CHCT1: variants seen among roughly 807,000 people sequenced by gnomAD.
CHCT1 encodes the protein CHD1 helical C-terminal domain containing protein 1.
chr17:60,425,846 C>A, the CHCT1 span: 1 of 1,551,740 alleles, frequency 6.4e-7, no homozygotes, highest in Non-Finnish European at 8.7e-7. Flanking sequence ...CTCGCTCATG[C>A]GCCATGCCAA....
the CHCT1 span, chr17:60,429,362 G>A: frequency 8.1e-6 from 13 of 1,612,782 alleles, no homozygotes; most frequent in East Asian, 2.9e-4. Context: ...TCCATGGCAG[G>A]TGACATTCTG....
At chr17:60,426,668 G>T in the CHCT1 span, 2 of 1,572,894 alleles carry the variant, frequency 1.3e-6, no homozygotes, top group Non-Finnish European at 8.6e-7. Context: ...ATGCTGGAGG[G>T]AGGAAGCGCT....
At chr17:60,421,639 A>G in the CHCT1 span, 1 of 956,116 alleles carries the variant, frequency 1.0e-6, no homozygotes, top group Non-Finnish European at 1.2e-6. Flanking sequence ...TGTGCCGCCC[A>G]GGGACGCGAG....
the CHCT1 span, chr17:60,426,803 C>T: frequency 6.2e-7 from 1 of 1,604,884 alleles, no homozygotes; most frequent in South Asian, 1.1e-5. Context: ...GAGCAGCCAG[C>T]CGGCCAAGTT....
chr17:60,424,159 T>C, the CHCT1 span, among the ~76,000 whole-genome samples: 1 of 152,138 alleles, frequency 6.6e-6, no homozygotes, highest in African/African-American at 2.4e-5. Flanking sequence ...CCAAGCCCAT[T>C]CATGAAGGAT....
At chr17:60,421,989 C>G in the CHCT1 span, 1 of 970,840 alleles carries the variant, frequency 1.0e-6, no homozygotes, top group Middle Eastern at 5.3e-4. Context: ...TTATACACCC[C>G]CAAAACACAC....
the CHCT1 span, chr17:60,431,057 G>T: frequency 1.5e-6 from 1 of 648,138 alleles, no homozygotes. Context: ...TGATATAGGT[G>T]GGAAGTAAGA....
At chr17:60,423,346 C>A in the CHCT1 span, among the ~76,000 whole-genome samples, 6 of 152,042 alleles carry the variant, frequency 3.9e-5, no homozygotes, top group Non-Finnish European at 8.8e-5. Context: ...GTATGCATTA[C>A]CACACCTGGC....
chr17:60,431,327 C>T, the CHCT1 span: 14 of 1,172,720 alleles, frequency 1.2e-5, no homozygotes, highest in Non-Finnish European at 1.7e-5. Flanking sequence ...GGAATGGAGA[C>T]CAAAAAGGGA....
At chr17:60,425,912 G>A in the CHCT1 span, 11 of 1,524,756 alleles carry the variant, frequency 7.2e-6, no homozygotes, top group Non-Finnish European at 9.8e-6. Context: ...CTGGAACCCT[G>A]TCCCCTTTTC....
At chr17:60,426,910 C>A in the CHCT1 span, 1 of 1,528,160 alleles carries the variant, frequency 6.5e-7, no homozygotes, top group Non-Finnish European at 8.8e-7. Flanking sequence ...ACACCCAGAG[C>A]CCCTCTGGTC....
At chr17:60,423,072 G>A in the CHCT1 span, among the ~76,000 whole-genome samples, 1 of 152,214 alleles carries the variant, frequency 6.6e-6, no homozygotes, top group African/African-American at 2.4e-5. Flanking sequence ...CCCGAACACA[G>A]ACTAGAATTC....
chr17:60,425,782 G>C, the CHCT1 span: 1 of 1,550,028 alleles, frequency 6.5e-7, no homozygotes, highest in South Asian at 1.2e-5. Flanking sequence ...CCTCCTCCTA[G>C]GTGACAAATG....
the CHCT1 span, chr17:60,422,144 G>T: frequency 1.3e-5 from 4 of 305,708 alleles, no homozygotes; most frequent in Non-Finnish European, 2.3e-5. Context: ...AATCAGAAAA[G>T]AATTTTACAA....
chr17:60,425,765 C>T, the CHCT1 span: 1 of 1,532,128 alleles, frequency 6.5e-7, no homozygotes. Flanking sequence ...CGGCTTAGTG[C>T]CCCCTGCCTC....
chr17:60,422,341 AC>A, the CHCT1 span: 2 of 905,026 alleles, frequency 2.2e-6, no homozygotes, highest in Non-Finnish European at 3.1e-6. Context: ...TCTTCGCTCG[AC>A]CCCGCACATC....
At chr17:60,422,520 C>G in the CHCT1 span, 12 of 1,543,252 alleles carry the variant, frequency 7.8e-6, no homozygotes, top group Non-Finnish European at 9.6e-6. Context: ...GGCTAGGTCA[C>G]AGAAGCAGTG....
the CHCT1 span, chr17:60,426,458 AG>A: frequency 8.4e-7 from 1 of 1,190,246 alleles, no homozygotes; most frequent in East Asian, 2.6e-5. Context: ...CAAGAGCCTG[AG>A]GGGATGGAGA....
chr17:60,422,635 C>G, the CHCT1 span: 1 of 1,549,620 alleles, frequency 6.5e-7, no homozygotes, highest in Admixed American at 2.0e-5. Flanking sequence ...GGACAAGCCA[C>G]TAGAGCAGGT....
Sources: gnomAD v4.1 joint callset for allele counts (sites outside exome capture counted in the v4.1 genomes callset) on GRCh38, gnomAD v4.1.1 for gene constraint, MANE v1.5 for transcripts, NCBI Gene and HGNC (gene_info 2026-07-23, HGNC 2026-07-21) for gene names.